TTC28: variants seen among roughly 807,000 people sequenced by gnomAD.
TTC28 encodes the protein tetratricopeptide repeat domain 28, also known as tetratricopeptide repeat protein 28.
A neutral mutation model predicts 198.0 loss-of-function variants in TTC28; 61 were observed. The ratio of observed to expected loss-of-function variants is 0.31; its 90% CI spans 0.25 to 0.38. TTC28 has a LOEUF of 0.38. TTC28 is among the 10% of genes least tolerant of loss of function. The pLI is 1.00. For missense variants in TTC28, 2,678 were observed against 3,164.0 expected (o/e 0.85, Z 3.69); for synonymous variants, 1,171 against 1,297.8 (o/e 0.90, Z 2.10).
rs1188076489 is a variant in TTC28 at position 28,364,507 on chromosome 22, CCTCTGAA to C, written c.382-57871_382-57865del. ...GTTATAGTTGCCATAGATAGTGATTCCTCTGAAGGCTATGGACAAAGTCAATTTAAAA... is the reference window on the plus strand; with the variant it reads ...GTTATAGTTGCCATAGATAGTGATTCGGCTATGGACAAAGTCAATTTAAAA... On this transcript the variant is annotated intron_variant, in intron 2 of 22. Transcript: ENST00000397906. Among the ~76,000 whole-genome samples the C allele has an allele frequency of 2.0e-5, 3 of 152,128 alleles. No homozygotes were observed. In the East Asian group the frequency reaches 5.8e-4, roughly 29 times the overall value.
At chr22:28,064,015 A>G (rs1940656244) in intron 12 of TTC28, among the ~76,000 whole-genome samples, 1 of 152,176 alleles carries the variant, frequency 6.6e-6, no homozygotes, top group African/African-American at 2.4e-5. Flanking sequence ...TGAACTGTAA[A>G]AAGACTGGGG....
intron 2 of TTC28, among the ~76,000 whole-genome samples, chr22:28,342,672 C>A (rs1334322404): frequency 2.6e-5 from 4 of 152,080 alleles, no homozygotes; most frequent in Admixed American, 1.3e-4. Flanking sequence ...TATGAAAAAT[C>A]ATGTGTTAAG....
chr22:28,189,142 G>A (rs1250231953), intron 5 of TTC28, among the ~76,000 whole-genome samples: 1 of 152,054 alleles, frequency 6.6e-6, no homozygotes, highest in South Asian at 2.1e-4. Flanking sequence ...GAGGCCAGGA[G>A]TTCAAGACCA....
chr22:28,649,509 A>G (rs986925795), intron 1 of TTC28, among the ~76,000 whole-genome samples: 1 of 152,206 alleles, frequency 6.6e-6, no homozygotes, highest in Non-Finnish European at 1.5e-5. Context: ...AACTGCATTG[A>G]CTTGTTAATT....
chr22:28,193,675 T>A (rs922079354), intron 5 of TTC28, among the ~76,000 whole-genome samples: 1 of 151,916 alleles, frequency 6.6e-6, no homozygotes, highest in Non-Finnish European at 1.5e-5. Flanking sequence ...CAACAAAGAT[T>A]GAAAGACACA....
intron 2 of TTC28, among the ~76,000 whole-genome samples, chr22:28,420,429 A>G (rs1293591342): frequency 6.6e-6 from 1 of 152,116 alleles, no homozygotes; most frequent in Non-Finnish European, 1.5e-5. Context: ...CTCTGTGGCT[A>G]CAATAATTCT....
At chr22:27,999,420 T>C in intron 15 of TTC28, 160 bp from the exon 16 acceptor site, 1 of 1,116,548 alleles carries the variant, frequency 9.0e-7, no homozygotes, top group Non-Finnish European at 1.2e-6. Context: ...TCAACATCTT[T>C]TTGACACAGG....
rs557203479 is a variant in TTC28, at chr22:28,089,697, TA to T, written c.3932+4382del. On this transcript the variant is annotated intron_variant, in intron 12 of 22. Transcript: ENST00000397906. Reference sequence around the variant, plus strand: ...AAATAAAATAAAATAAAATAAAAAATAAAAAAATAAAAAAAATAAAGGTTTT... The same window carrying T: ...AAATAAAATAAAATAAAATAAAAAATAAAAAATAAAAAAAATAAAGGTTTT... Among the ~76,000 whole-genome samples, 1,156 of 129,804 alleles carry T rather than the reference TA, an allele frequency of 8.9e-3. 24 individuals carry two copies. The highest frequency in any genetic ancestry group is 0.031 in the African/African-American group (1,068 of 35,008). The allele number at this position is 129,804 out of a possible 152,430, so 85.2% of individuals were successfully genotyped here. A position where few individuals can be genotyped will look rare whatever the true frequency, so the allele number is the denominator to read the frequency against.
At chr22:28,301,724 G>T (rs1485360595) in intron 3 of TTC28, among the ~76,000 whole-genome samples, 1 of 152,144 alleles carries the variant, frequency 6.6e-6, no homozygotes, top group Non-Finnish European at 1.5e-5. Flanking sequence ...CATCATAATA[G>T]TCGGTAGTTT....
At chr22:28,361,252 G>A (rs2046154018) in intron 2 of TTC28, among the ~76,000 whole-genome samples, 1 of 152,156 alleles carries the variant, frequency 6.6e-6, no homozygotes, top group Non-Finnish European at 1.5e-5. Context: ...CTAAAAGCTA[G>A]GCCTCTTGCA....
intron 2 of TTC28, among the ~76,000 whole-genome samples, chr22:28,310,561 T>G (rs1415587915): frequency 6.6e-6 from 1 of 152,086 alleles, no homozygotes; most frequent in East Asian, 1.9e-4. Context: ...AACCAAACAA[T>G]AACCTAATAT....
At chr22:28,098,028 T>A (rs910810932) in intron 10 of TTC28, among the ~76,000 whole-genome samples, 2 of 152,182 alleles carry the variant, frequency 1.3e-5, no homozygotes, top group African/African-American at 4.8e-5. Context: ...AACATCCAAA[T>A]TCAAAGCCTT....
At chr22:28,415,663 T>G (rs1302084351) in intron 2 of TTC28, among the ~76,000 whole-genome samples, 1 of 152,220 alleles carries the variant, frequency 6.6e-6, no homozygotes, top group Non-Finnish European at 1.5e-5. Flanking sequence ...ATAAGAAGCC[T>G]GAGGCTTTGA....
chr22:28,454,180 T>C, intron 2 of TTC28, among the ~76,000 whole-genome samples: 1 of 152,196 alleles, frequency 6.6e-6, no homozygotes, highest in Non-Finnish European at 1.5e-5. Flanking sequence ...CCTATTACTT[T>C]AGTTTGTCTT....
At chr22:28,102,760 T>C (rs1942190398) in intron 8 of TTC28, among the ~76,000 whole-genome samples, 1 of 152,222 alleles carries the variant, frequency 6.6e-6, no homozygotes, top group Non-Finnish European at 1.5e-5. Context: ...TTCAATGTCA[T>C]AAATATACAT....
intron 5 of TTC28, among the ~76,000 whole-genome samples, chr22:28,277,965 T>C (rs1358919099): frequency 1.3e-5 from 2 of 152,124 alleles, no homozygotes; most frequent in Non-Finnish European, 2.9e-5. Flanking sequence ...AGATTGTCAT[T>C]AGTATCTTTA....
intron 12 of TTC28, among the ~76,000 whole-genome samples, chr22:28,042,919 C>T (rs758837247): frequency 2.6e-5 from 4 of 152,010 alleles, no homozygotes; most frequent in Non-Finnish European, 2.9e-5. Flanking sequence ...AGCTTTGGAG[C>T]GAGCTCTGAC....
intron 2 of TTC28, among the ~76,000 whole-genome samples, chr22:28,618,700 AC>A (rs1361048436): frequency 1.3e-4 from 19 of 151,544 alleles, no homozygotes; most frequent in South Asian, 8.3e-4. Flanking sequence ...AAAAAAAAAA[AC>A]ATAGCAAAGA....
intron 1 of TTC28, chr22:28,643,335 G>A (rs913429010): frequency 6.6e-6 from 1 of 152,198 alleles, no homozygotes; most frequent in Non-Finnish European, 1.5e-5. Flanking sequence ...TAGAGCTTTT[G>A]TAGGCTGTCA....
Sources: gnomAD v4.1 joint callset for allele counts (sites outside exome capture counted in the v4.1 genomes callset) on GRCh38, gnomAD v4.1.1 for gene constraint, MANE v1.5 for transcripts, NCBI Gene and HGNC (gene_info 2026-07-23, HGNC 2026-07-21) for gene names.